LPIN1: variants seen among roughly 807,000 people sequenced by gnomAD.
LPIN1 encodes the protein lipin 1.
LPIN1 carries 71 observed loss-of-function variants against 107.5 expected under a neutral mutation model. The observed-to-expected ratio is 0.66, with a 90% CI of 0.55 to 0.80. The LOEUF is 0.80. Among genes scored for constraint, LPIN1 ranks in the 30% least tolerant of loss-of-function variants. The pLI is 0.00. For synonymous variants in LPIN1, 445 were observed against 452.6 expected (o/e 0.98, Z 0.21); for missense variants, 1,043 against 1,160.6 (o/e 0.90, Z 1.47).
chr2:11,820,611 C>G, intron 20 of LPIN1, 97 bp downstream of exon 20: 1 of 806,344 alleles, frequency 1.2e-6, no homozygotes, highest in Non-Finnish European at 2.2e-6. Flanking sequence ...CCTTTGCTGC[C>G]TATATGTTAA....
chr2:11,693,763 G>C (rs1251345086), intron 1 of LPIN1, among the ~76,000 whole-genome samples: 32 of 130,734 alleles, frequency 2.4e-4, no homozygotes, highest in African/African-American at 9.4e-4. Context: ...GGGGGCAAGA[G>C]CCATATATGT....
At chr2:11,729,386 C>A (rs892483578) in intron 1 of LPIN1, among the ~76,000 whole-genome samples, 5 of 152,198 alleles carry the variant, frequency 3.3e-5, no homozygotes, top group Non-Finnish European at 7.3e-5. Context: ...AGGGGGAAGA[C>A]CTTACAATCA....
Position 11,707,724 on chromosome 2 carries a change from G to A in LPIN1, c.82-6032G>A, listed in dbSNP as rs926855057. 6.6e-6 allele frequency among the ~76,000 whole-genome samples: 1 copy of A among 152,162 alleles called. No homozygotes were observed. Among genetic ancestry groups the A allele is most frequent in the Non-Finnish European group, 1.5e-5 (1 of 68,026 alleles). On this transcript the variant is annotated intron_variant, in intron 1 of 21. Coordinates refer to the LPIN1 transcript ENST00000449576. The surrounding 1 kb of genome is among the most constrained non-coding windows in gnomAD (Gnocchi z 4.2). ...TTGTGACTGGATGTGGCTTGGGAGGGGAGAAAGGGAGTGGCTGGGGCCTGT... is the reference window on the plus strand; with the variant it reads ...TTGTGACTGGATGTGGCTTGGGAGGAGAGAAAGGGAGTGGCTGGGGCCTGT...
intron 1 of LPIN1, among the ~76,000 whole-genome samples, chr2:11,728,093 A>G (rs1398163611): frequency 6.6e-6 from 1 of 152,170 alleles, no homozygotes; most frequent in African/African-American, 2.4e-5. Flanking sequence ...TGATACCGAG[A>G]GATTCACTTG....
At chr2:11,775,657 G>T (rs1476709958) in intron 5 of LPIN1, among the ~76,000 whole-genome samples, 1 of 152,100 alleles carries the variant, frequency 6.6e-6, no homozygotes, top group African/African-American at 2.4e-5. Flanking sequence ...TCTACACATG[G>T]GTGAAACAGA....
intron 1 of LPIN1, among the ~76,000 whole-genome samples, chr2:11,760,523 AT>A (rs1262081909): frequency 6.6e-6 from 1 of 152,254 alleles, no homozygotes; most frequent in African/African-American, 2.4e-5. Context: ...CCACCAAAAA[AT>A]ACGAAAACCA....
intron 8 of LPIN1, 52 bp from the exon 9 acceptor site, chr2:11,783,777 G>A: frequency 7.0e-7 from 1 of 1,426,414 alleles, no homozygotes; most frequent in Non-Finnish European, 9.9e-7. Context: ...ACAAGGCCAT[G>A]AGCTCATTTC....
At chr2:11,785,535 C>T (rs528728363) in intron 10 of LPIN1, among the ~76,000 whole-genome samples, 2 of 152,288 alleles carry the variant, frequency 1.3e-5, no homozygotes, top group East Asian at 3.9e-4. Flanking sequence ...ACATTCGTAG[C>T]AATGCACTCC....
At chr2:11,702,245 G>A (rs760442300) in intron 1 of LPIN1, among the ~76,000 whole-genome samples, 8 of 152,218 alleles carry the variant, frequency 5.3e-5, no homozygotes, top group Non-Finnish European at 8.8e-5. Flanking sequence ...AGGAACAGGT[G>A]AGGCAGGGTA....
chr2:11,742,971 G>A (rs1572510738), upstream of LPIN1, among the ~76,000 whole-genome samples: 2 of 152,320 alleles, frequency 1.3e-5, no homozygotes, highest in South Asian at 2.1e-4. Context: ...TGCCTAGGTC[G>A]GTGCCTGCTT....
At chr2:11,731,830 G>GT (rs58665647) in intron 1 of LPIN1, among the ~76,000 whole-genome samples, 81,597 of 149,534 alleles carry the variant, frequency 0.55, 23,519 homozygotes, top group African/African-American at 0.75. Flanking sequence ...GTGATGATGA[G>GT]TTTTTTTTTT....
intron 18 of LPIN1, 29 bp from the exon 19 acceptor site, chr2:11,819,455 T>C (rs1681156501): frequency 7.3e-7 from 1 of 1,377,406 alleles, no homozygotes; most frequent in Non-Finnish European, 1.0e-6. Flanking sequence ...TAGCCTCTCA[T>C]GTTAATCTGT....
chr2:11,789,930 T>C (rs1675424940), intron 12 of LPIN1, among the ~76,000 whole-genome samples: 1 of 152,104 alleles, frequency 6.6e-6, no homozygotes, highest in South Asian at 2.1e-4. Context: ...TTCTCTAATA[T>C]AGAAATTATT....
chr2:11,739,573 G>A (rs1375641521), intron 1 of LPIN1, among the ~76,000 whole-genome samples: 2 of 152,194 alleles, frequency 1.3e-5, no homozygotes, highest in African/African-American at 4.8e-5. Flanking sequence ...TGGATCTGCC[G>A]TAACAATGTT....
intron 1 of LPIN1, among the ~76,000 whole-genome samples, chr2:11,709,001 C>T (rs553558372): frequency 6.6e-6 from 1 of 152,236 alleles, no homozygotes; most frequent in East Asian, 1.9e-4. Context: ...AAATGAATTG[C>T]TCAAGACCAC....
chr2:11,815,588 T>A (rs750056750), intron 18 of LPIN1, among the ~76,000 whole-genome samples: 77 of 152,094 alleles, frequency 5.1e-4, no homozygotes, highest in Middle Eastern at 3.4e-3. Flanking sequence ...TCTTTTTGGG[T>A]CACTCTCCTG....
upstream of LPIN1, among the ~76,000 whole-genome samples, chr2:11,723,096 C>T (rs893954488): frequency 1.3e-5 from 2 of 152,200 alleles, no homozygotes; most frequent in Admixed American, 6.5e-5. Context: ...TAAGAATTTA[C>T]CTTCCAAATG....
At chr2:11,748,783 G>A (rs926164294) in intron 1 of LPIN1, among the ~76,000 whole-genome samples, 1 of 152,220 alleles carries the variant, frequency 6.6e-6, no homozygotes, top group African/African-American at 2.4e-5. Flanking sequence ...CCTGCCAATG[G>A]GGGTAGTCGA....
chr2:11,795,452 C>G lies in LPIN1; in HGVS notation c.1851C>G (p.Thr617=), dbSNP rs145533166. 1 of 1,613,954 alleles carries G rather than the reference C, an allele frequency of 6.2e-7. No homozygotes were observed. The highest frequency in any genetic ancestry group is 8.5e-7 in the Non-Finnish European group (1 of 1,180,028). ...EQCLAGKAHS[T]GEQPPQLSLA... ...GCTTGGCTGGCAAGGCCCATAGCAC[C>G]GGAGAGCAACCGCCGCAGCTCAGCT... The change falls in exon 14 of 21, where the codon ACC becomes ACG. Residue 617 remains threonine (T), a synonymous_variant. Coordinates refer to ENST00000674199, the MANE Select transcript of LPIN1 (RefSeq NM_001349206.2).
Sources: allele counts gnomAD v4.1 joint callset (sites outside exome capture counted in the v4.1 genomes callset), GRCh38; gene constraint gnomAD v4.1.1; non-coding constraint Gnocchi (gnomAD v3.1); transcripts MANE v1.5; gene names NCBI Gene and HGNC (gene_info 2026-07-23, HGNC 2026-07-21).